The following KIF13A variants were observed in gnomAD, a reference collection of about 807,000 sequenced individuals.
KIF13A encodes the protein kinesin-like protein KIF13A.
In KIF13A, 79 loss-of-function variants were observed where a neutral mutation model predicts 212.2. The observed-to-expected ratio is 0.37, with a 90% CI of 0.31 to 0.45. The LOEUF (loss-of-function observed/expected upper bound fraction) is 0.45. KIF13A is among the 20% of genes least tolerant of loss of function. The pLI is 1.00. For synonymous variants in KIF13A, 789 were observed against 808.6 expected (o/e 0.98, Z 0.41); for missense variants, 1,901 against 2,209.0 (o/e 0.86, Z 2.79).
intron 2 of KIF13A, among the ~76,000 whole-genome samples, chr6:17,964,408 T>C (rs933438985): frequency 6.6e-6 from 1 of 152,130 alleles, no homozygotes; most frequent in Non-Finnish European, 1.5e-5. Context: ...AAGGTTGACA[T>C]CAAGTAATTG....
chr6:17,939,337 A>G (rs192766092), intron 2 of KIF13A, among the ~76,000 whole-genome samples: 1 of 152,360 alleles, frequency 6.6e-6, no homozygotes, highest in Admixed American at 6.5e-5. Context: ...TCATTGTAAC[A>G]CAACAGATAA....
rs1410008439 is a variant in KIF13A, at chr6:17,935,505, A to G, written c.147-37325T>C. On this transcript the variant is annotated intron_variant, in intron 2 of 38. Coordinates refer to ENST00000259711, the MANE Select transcript of KIF13A (RefSeq NM_022113.6). ...CTCAGTTCTGGGGCTGGGGCTGTGC[A>G]AACTATTTTTCTACAAGCAACCAAG... Among the ~76,000 whole-genome samples, 4 of 152,288 alleles carry G rather than the reference A, an allele frequency of 2.6e-5. No homozygotes were observed. In the East Asian group the frequency reaches 7.7e-4, roughly 29 times the overall value.
At chr6:17,852,097 C>A in intron 6 of KIF13A, 55 bp from the exon 7 acceptor site, 1 of 947,294 alleles carries the variant, frequency 1.1e-6, no homozygotes, top group South Asian at 2.3e-5. Context: ...GGAAGCTTTT[C>A]TTTCTCTTTA....
intron 2 of KIF13A, among the ~76,000 whole-genome samples, chr6:17,974,917 C>G (rs560970900): frequency 6.6e-6 from 1 of 152,328 alleles, no homozygotes; most frequent in Non-Finnish European, 1.5e-5. Flanking sequence ...TACTGGCTAC[C>G]ACATTGGACA....
chr6:17,925,043 T>C (rs1267044153), intron 2 of KIF13A, among the ~76,000 whole-genome samples: 2 of 152,222 alleles, frequency 1.3e-5, no homozygotes, highest in Admixed American at 6.5e-5. Flanking sequence ...TTAAATTCCC[T>C]TCTTCCTCTA....
In KIF13A at chr6:17,963,624, G is replaced by A. The variant is rs867026273; in HGVS notation, c.146+23430C>T. 5.9e-5 allele frequency among the ~76,000 whole-genome samples: 9 copies of A among 152,230 alleles called. No homozygotes were observed. The highest frequency in any genetic ancestry group is 2.1e-4 in the South Asian group (1 of 4,830). On this transcript the variant is annotated intron_variant, in intron 2 of 38. Coordinates refer to ENST00000259711, the MANE Select transcript of KIF13A (RefSeq NM_022113.6). This position sits in a 1 kb window ranked among gnomAD's most constrained non-coding sequence, Gnocchi z 4.1. ...CTAGGCTGGAGTGCTGCGCGTGATC[G>A]CAGCTTACTGCAACCTCCGCCTCCT...
intron 7 of KIF13A, 55 bp downstream of exon 7, chr6:17,851,896 CACTT>C: frequency 1.2e-6 from 1 of 848,722 alleles, no homozygotes; most frequent in Non-Finnish European, 1.8e-6. Flanking sequence ...TACTCAGTAT[CACTT>C]ACATACTTTG....
intron 3 of KIF13A, among the ~76,000 whole-genome samples, chr6:17,876,129 CCAGGTGACT>C (rs373253414): frequency 9.9e-5 from 15 of 152,134 alleles, no homozygotes; most frequent in African/African-American, 2.4e-4. Flanking sequence ...CAAATGCAGC[CCAGGTGACT>C]CAGCAGCTAC....
intron 4 of KIF13A, among the ~76,000 whole-genome samples, chr6:17,865,995 C>T (rs1425985311): frequency 6.6e-6 from 1 of 152,154 alleles, no homozygotes; most frequent in Non-Finnish European, 1.5e-5. Context: ...GGAGGTCATG[C>T]AACCACTGCC....
chr6:17,834,074 T>G lies in KIF13A; in HGVS notation c.1156-3A>C. ...TTCAGTTCAGGGGCCTTCATGGCCTTTAAAATGAAATCAGAGATATCTGAT... is the reference window on the plus strand; with the variant it reads ...TTCAGTTCAGGGGCCTTCATGGCCTGTAAAATGAAATCAGAGATATCTGAT... On this transcript the variant is annotated splice_region_variant and splice_polypyrimidine_tract_variant and intron_variant, in intron 11 of 38. Coordinates refer to ENST00000259711, the MANE Select transcript of KIF13A (RefSeq NM_022113.6). This position sits in a 1 kb window ranked among gnomAD's most constrained non-coding sequence, Gnocchi z 4.0. 1 of 1,569,576 alleles carries G rather than the reference T, an allele frequency of 6.4e-7. No individual in the cohort carries two copies. The highest frequency in any genetic ancestry group is 8.6e-7 in the Non-Finnish European group (1 of 1,164,414).
At position 17,951,250 on chromosome 6, in the gene KIF13A, C is replaced by G. The variant is rs1277762252; in HGVS notation, c.146+35804G>C. ...TCACTGGAGCCTCCTGCCTCAGTCTCCTGAGTAGCTGGGACCACAGGTATG... is the reference window on the plus strand; with the variant it reads ...TCACTGGAGCCTCCTGCCTCAGTCTGCTGAGTAGCTGGGACCACAGGTATG... On this transcript the variant is annotated intron_variant, in intron 2 of 38. Coordinates refer to ENST00000259711, the MANE Select transcript of KIF13A (RefSeq NM_022113.6). The surrounding 1 kb of genome is among the most constrained non-coding windows in gnomAD (Gnocchi z 4.9). The G allele has an allele frequency of 2.8e-6, 2 of 705,934 alleles. No homozygotes were observed. Among genetic ancestry groups the G allele is most frequent in the East Asian group, 3.3e-5 (1 of 30,556 alleles). The allele number at this position is 705,934 out of a possible 1,614,324, so 43.7% of individuals were successfully genotyped here. A position where few individuals can be genotyped will look rare whatever the true frequency, so the allele number is the denominator to read the frequency against.
intron 3 of KIF13A, among the ~76,000 whole-genome samples, chr6:17,878,597 T>C (rs1770784447): frequency 6.6e-6 from 1 of 152,150 alleles, no homozygotes; most frequent in Admixed American, 6.5e-5. Flanking sequence ...AATTTAACAA[T>C]TTGCTATTCT....
At chr6:17,795,428 CAAA>C (rs75554746) in intron 23 of KIF13A, among the ~76,000 whole-genome samples, 1 of 91,814 alleles carries the variant, frequency 1.1e-5, no homozygotes. Flanking sequence ...ACCAAAAATA[CAAA>C]AAAAAAAAAA....
chr6:17,981,685 G>T (rs921796426), intron 2 of KIF13A, among the ~76,000 whole-genome samples: 12 of 152,112 alleles, frequency 7.9e-5, no homozygotes, highest in Non-Finnish European at 1.5e-4. Flanking sequence ...GGCTCCCAAA[G>T]TGCTGGGATT....
At chr6:17,986,536 T>C (rs1454523773) in intron 2 of KIF13A, among the ~76,000 whole-genome samples, 1 of 152,224 alleles carries the variant, frequency 6.6e-6, no homozygotes, top group Middle Eastern at 3.2e-3. Context: ...CTAAAATAGA[T>C]ACTAACTAGT....
rs770333084 is a variant in KIF13A, at chr6:17,796,824, G to C, written c.2791-4C>G. On this transcript the variant is annotated splice_polypyrimidine_tract_variant and splice_region_variant and intron_variant, in intron 22 of 38. Transcript: ENST00000259711. The stretch of plus-strand genomic sequence containing the variant: ...CTGTTACATTCACCACATAGTCCTG[G>C]GATAAGTGGGGGAAAGCAAAAGAAT... 4 of 1,490,804 alleles carry C rather than the reference G, an allele frequency of 2.7e-6. No homozygotes were observed. The South Asian group carries it at 5.4e-5, about 20-fold the overall frequency. The allele number at this position is 1,490,804 out of a possible 1,614,324, so 92.3% of individuals were successfully genotyped here.
chr6:17,868,689 A>G (rs1460973830), intron 4 of KIF13A, among the ~76,000 whole-genome samples: 1 of 152,096 alleles, frequency 6.6e-6, no homozygotes, highest in Non-Finnish European at 1.5e-5. Context: ...TAGGAGGAAG[A>G]GATAATATAT....
rs147059111 is a variant in KIF13A, at chr6:17,777,636, G to A, written c.4093-282C>T. Among the ~76,000 whole-genome samples, 845 of 152,068 alleles carry A rather than the reference G, an allele frequency of 5.6e-3. 6 individuals are homozygous for A. Among genetic ancestry groups the A allele is most frequent in the African/African-American group, 0.019 (790 of 41,478 alleles). The stretch of plus-strand genomic sequence containing the variant: ...TGAGCTCAGGCAATCTGCCCACGTC[G>A]GCCTCCCAAAGTGTTAGGATTACAG... On this transcript the variant is annotated intron_variant, in intron 33 of 38. Coordinates refer to ENST00000259711, the MANE Select transcript of KIF13A (RefSeq NM_022113.6). This position sits in a 1 kb window ranked among gnomAD's most constrained non-coding sequence, Gnocchi z 4.4.
rs1390600374 is a variant in KIF13A at position 17,951,956 on chromosome 6, G to C, written c.146+35098C>G. 1.3e-5 allele frequency among the ~76,000 whole-genome samples: 2 copies of C among 151,956 alleles called. No homozygotes were observed. Among genetic ancestry groups the C allele is most frequent in the Admixed American group, 6.6e-5 (1 of 15,262 alleles). ...TTTACAATTTTTGTAGAAGCAATTT[G>C]GCAATTTATATTTACAATTTAAATG... On this transcript the variant is annotated intron_variant, in intron 2 of 38. Coordinates refer to ENST00000259711, the MANE Select transcript of KIF13A (RefSeq NM_022113.6). This position sits in a 1 kb window ranked among gnomAD's most constrained non-coding sequence, Gnocchi z 4.9.
Sources: allele counts gnomAD v4.1 joint callset (sites outside exome capture counted in the v4.1 genomes callset), GRCh38; gene constraint gnomAD v4.1.1; non-coding constraint Gnocchi (gnomAD v3.1); transcripts MANE v1.5; gene names NCBI Gene and HGNC (gene_info 2026-07-23, HGNC 2026-07-21).